The following INPP4B variants were observed in gnomAD, a reference collection of about 807,000 sequenced individuals.
INPP4B encodes inositol polyphosphate-4-phosphatase type II B.
Under a neutral mutation model 122.5 loss-of-function variants are expected in INPP4B, and 55 were observed. The ratio of observed to expected loss-of-function variants is 0.45; its 90% confidence interval spans 0.36 to 0.56. The LOEUF (loss-of-function observed/expected upper bound fraction) is 0.56. Ranked by LOEUF, INPP4B falls within the 20% of genes least tolerant of loss-of-function variation. The pLI is 0.00. For synonymous variants in INPP4B, 403 were observed against 388.7 expected (o/e 1.04, Z -0.43); for missense variants, 1,000 against 1,097.7 (o/e 0.91, Z 1.26).
intron 15 of INPP4B, 116 bp from the exon 16 acceptor site, chr4:142,173,925 G>A: frequency 1.2e-6 from 1 of 858,608 alleles, no homozygotes; most frequent in Non-Finnish European, 1.9e-6. Flanking sequence ...CTATTGATAA[G>A]AACTGTCCTA....
At chr4:142,428,595 A>C (rs1396175475) in intron 5 of INPP4B, among the ~76,000 whole-genome samples, 1 of 152,058 alleles carries the variant, frequency 6.6e-6, no homozygotes, top group Non-Finnish European at 1.5e-5. Flanking sequence ...GACTGGTCTC[A>C]GAATGCACAC....
In INPP4B at chr4:142,123,553, T is replaced by C. The variant is rs539002135; in HGVS notation, c.1894-138A>G. The C allele has an allele frequency of 3.3e-5, 26 of 793,704 alleles. No homozygotes were observed. In the East Asian group the frequency reaches 4.3e-4, roughly 13 times the overall value. The allele number at this position is 793,704 out of a possible 1,614,324, so 49.2% of individuals were successfully genotyped here. The stretch of plus-strand genomic sequence containing the variant: ...CAAAACTACAACTATTTGGTAGGCA[T>C]AGTAAAACAAGTTGACAGTCTTTGA... On this transcript the variant is annotated intron_variant, in intron 19 of 25. Coordinates refer to ENST00000262992, the MANE Select transcript of INPP4B (RefSeq NM_001101669.3).
intron 2 of INPP4B, among the ~76,000 whole-genome samples, chr4:142,585,505 T>C (rs982813948): frequency 3.9e-5 from 6 of 152,114 alleles, no homozygotes; most frequent in African/African-American, 1.2e-4. Context: ...CTCTGTGGGA[T>C]CATCCAGGAC....
At chr4:142,172,134 G>T (rs1825916563) in intron 16 of INPP4B, among the ~76,000 whole-genome samples, 1 of 151,656 alleles carries the variant, frequency 6.6e-6, no homozygotes, top group South Asian at 2.1e-4. Flanking sequence ...TATTACTAAG[G>T]CATTTGTCTA....
chr4:142,579,795 C>A (rs566903517), intron 2 of INPP4B, among the ~76,000 whole-genome samples: 10 of 151,150 alleles, frequency 6.6e-5, no homozygotes, highest in African/African-American at 2.4e-4. Context: ...AATCGTGGGA[C>A]TTGCCAGACT....
intron 16 of INPP4B, among the ~76,000 whole-genome samples, chr4:142,167,571 T>C (rs1472677883): frequency 6.6e-6 from 1 of 151,650 alleles, no homozygotes; most frequent in Non-Finnish European, 1.5e-5. Flanking sequence ...TTAAAAAAGA[T>C]ATTGTTTTCC....
chr4:142,198,179 A>G (rs1028701415), intron 14 of INPP4B, among the ~76,000 whole-genome samples: 2 of 152,064 alleles, frequency 1.3e-5, no homozygotes, highest in African/African-American at 4.8e-5. Context: ...GACCTATATT[A>G]TCCTAATCTT....
intron 16 of INPP4B, among the ~76,000 whole-genome samples, chr4:142,164,916 A>C (rs1821953665): frequency 6.6e-6 from 1 of 151,460 alleles, no homozygotes; most frequent in Admixed American, 6.6e-5. Flanking sequence ...CTCTTTCTTG[A>C]TTGGCCTTTT....
At chr4:142,248,413 C>T (rs551984342) in intron 11 of INPP4B, among the ~76,000 whole-genome samples, 2 of 145,546 alleles carry the variant, frequency 1.4e-5, no homozygotes, top group East Asian at 4.3e-4. Context: ...TCTTGGCTCA[C>T]TGCAACCTCC....
chr4:142,801,862 C>T (rs897310731), intron 1 of INPP4B, among the ~76,000 whole-genome samples: 3 of 152,044 alleles, frequency 2.0e-5, no homozygotes, highest in African/African-American at 2.4e-5. Flanking sequence ...TGTTGTGGTC[C>T]TGTCGAGTTT....
chr4:142,358,649 A>AT (rs1344226947), intron 7 of INPP4B, among the ~76,000 whole-genome samples: 66 of 85,902 alleles, frequency 7.7e-4, no homozygotes, highest in South Asian at 3.5e-3. Context: ...TCAGTGATTT[A>AT]TAAAAAAAAA....
chr4:142,300,704 A>G (rs1561794032), intron 9 of INPP4B, among the ~76,000 whole-genome samples: 1 of 152,166 alleles, frequency 6.6e-6, no homozygotes, highest in Non-Finnish European at 1.5e-5. Flanking sequence ...AAAAAACAGT[A>G]TAAGTTAAAT....
chr4:142,814,269 C>A (rs1348016947), intron 1 of INPP4B, among the ~76,000 whole-genome samples: 1 of 152,130 alleles, frequency 6.6e-6, no homozygotes. Context: ...AGGCTGCAGG[C>A]AATGGGGAGA....
chr4:142,067,669 A>C (rs762436291), intron 25 of INPP4B, among the ~76,000 whole-genome samples: 13 of 152,222 alleles, frequency 8.5e-5, no homozygotes, highest in Non-Finnish European at 1.6e-4. Context: ...ATGGCACGAG[A>C]AGTACGCGAC....
intron 2 of INPP4B, among the ~76,000 whole-genome samples, chr4:142,522,878 A>G (rs1826283775): frequency 6.6e-6 from 1 of 152,140 alleles, no homozygotes; most frequent in African/African-American, 2.4e-5. Context: ...CTATATTTTA[A>G]AGTGGCTACC....
intron 2 of INPP4B, among the ~76,000 whole-genome samples, chr4:142,663,500 C>T (rs1755545284): frequency 6.6e-6 from 1 of 151,974 alleles, no homozygotes; most frequent in South Asian, 2.1e-4. Context: ...TGGATGACAT[C>T]TTTAAGAACT....
At chr4:142,271,504 T>A (rs905577375) in intron 9 of INPP4B, among the ~76,000 whole-genome samples, 1 of 152,206 alleles carries the variant, frequency 6.6e-6, no homozygotes, top group Non-Finnish European at 1.5e-5. Flanking sequence ...GTATAAATAT[T>A]CTTATCTTCC....
intron 1 of INPP4B, among the ~76,000 whole-genome samples, chr4:142,764,490 A>T (rs1267641241): frequency 6.6e-6 from 1 of 152,120 alleles, no homozygotes; most frequent in Non-Finnish European, 1.5e-5. Flanking sequence ...AATAAAAAAA[A>T]AATCTTAGTT....
intron 3 of INPP4B, among the ~76,000 whole-genome samples, chr4:142,433,779 T>C (rs1198447059): frequency 1.3e-5 from 2 of 152,164 alleles, no homozygotes; most frequent in Non-Finnish European, 2.9e-5. Context: ...GCCAGCAAAT[T>C]GCAGGTACAG....
Sources: allele counts gnomAD v4.1 joint callset (sites outside exome capture counted in the v4.1 genomes callset), GRCh38; gene constraint gnomAD v4.1.1; transcripts MANE v1.5; gene names NCBI Gene and HGNC (gene_info 2026-07-23, HGNC 2026-07-21).